The following NAV2 variants were observed in gnomAD, a reference collection of about 807,000 sequenced individuals.
The protein encoded by NAV2 is helicase, APC down-regulated 1.
In NAV2, 54 loss-of-function variants were observed where a neutral mutation model predicts 223.2. That is an observed-to-expected ratio of 0.24 (90% CI 0.19 to 0.30). NAV2 has a LOEUF of 0.30. Ranked by LOEUF, NAV2 falls within the 10% of genes least tolerant of loss-of-function variation. NAV2 has a pLI of 1.00. For missense variants in NAV2, 2,806 were observed against 3,147.5 expected, an observed-to-expected ratio of 0.89 and a Z score of 2.60; for synonymous variants, 1,279 against 1,239.3, an observed-to-expected ratio of 1.03 and a Z score of -0.67.
intron 36 of NAV2, among the ~76,000 whole-genome samples, chr11:20,110,676 T>C (rs2062549251): frequency 6.6e-6 from 1 of 152,222 alleles, no homozygotes; most frequent in Non-Finnish European, 1.5e-5. Context: ...AACCAAATAC[T>C]GAATTTTATA....
intron 3 of NAV2, among the ~76,000 whole-genome samples, chr11:19,854,812 C>T (rs2061332300): frequency 6.6e-6 from 1 of 152,170 alleles, no homozygotes; most frequent in South Asian, 2.1e-4. Context: ...ACTTCTTCCT[C>T]TGTGAAGTGT....
chr11:19,934,380 A>T (rs141520682), intron 7 of NAV2, 103 bp downstream of exon 7: 1 of 1,349,888 alleles, frequency 7.4e-7, no homozygotes, highest in Admixed American at 2.9e-5. Flanking sequence ...TGCTCCAGGA[A>T]TACTTAAGTC....
At chr11:19,466,150 T>G (rs535187823) in intron 1 of NAV2, among the ~76,000 whole-genome samples, 3 of 152,242 alleles carry the variant, frequency 2.0e-5, no homozygotes, top group Non-Finnish European at 2.9e-5. Flanking sequence ...TATAGCGATG[T>G]GCCAGATGGG....
chr11:19,664,893 G>T (rs543405839), intron 1 of NAV2, among the ~76,000 whole-genome samples: 1 of 152,332 alleles, frequency 6.6e-6, no homozygotes, highest in African/African-American at 2.4e-5. Flanking sequence ...TCAGGGCAGG[G>T]TGTGAGAGAG....
chr11:19,433,377 G>C (rs931805489), intron 1 of NAV2, among the ~76,000 whole-genome samples: 1 of 152,138 alleles, frequency 6.6e-6, no homozygotes, highest in East Asian at 1.9e-4. Context: ...GCATTTGATG[G>C]GGCACCAACA....
chr11:19,732,284 C>T (rs2051863600), intron 1 of NAV2, among the ~76,000 whole-genome samples: 1 of 151,372 alleles, frequency 6.6e-6, no homozygotes, highest in Non-Finnish European at 1.5e-5. Flanking sequence ...AGAGTATGGG[C>T]TGGAAATTCA....
chr11:19,705,297 G>C (rs1043563899), intron 1 of NAV2, among the ~76,000 whole-genome samples: 1 of 152,194 alleles, frequency 6.6e-6, no homozygotes, highest in African/African-American at 2.4e-5. Context: ...ATACCAGCTA[G>C]AGCCAACTGT....
At chr11:19,636,556 T>A (rs1321714531) in intron 1 of NAV2, among the ~76,000 whole-genome samples, 3 of 151,424 alleles carry the variant, frequency 2.0e-5, no homozygotes, top group African/African-American at 7.3e-5. Flanking sequence ...AATGGCGTGA[T>A]CTCGGCTCAC....
intron 1 of NAV2, among the ~76,000 whole-genome samples, chr11:19,356,405 G>A (rs1853619418): frequency 6.6e-6 from 1 of 152,164 alleles, no homozygotes; most frequent in Non-Finnish European, 1.5e-5. Context: ...CCTACTGTGT[G>A]CCAGCCAGCC....
chr11:19,385,753 CTTTTTTTTTTTTTTTT>C (rs201669772), intron 1 of NAV2, among the ~76,000 whole-genome samples: 3 of 112,766 alleles, frequency 2.7e-5, no homozygotes, highest in Non-Finnish European at 3.5e-5. Context: ...AATATAGCTC[CTTTTTTTTTTTTTTTT>C]TTTTTTTTTT....
intron 1 of NAV2, among the ~76,000 whole-genome samples, chr11:19,438,386 A>C (rs1851284791): frequency 1.3e-5 from 2 of 152,176 alleles, no homozygotes; most frequent in South Asian, 4.1e-4. Context: ...CCCTATTCTC[A>C]AATCTTGTCT....
chr11:19,987,450 CT>C (rs2050896211), intron 11 of NAV2, among the ~76,000 whole-genome samples: 1 of 152,146 alleles, frequency 6.6e-6, no homozygotes, highest in Admixed American at 6.5e-5. Flanking sequence ...CTGATTAGAC[CT>C]CAGCAAACGA....
intron 3 of NAV2, among the ~76,000 whole-genome samples, chr11:19,845,533 G>C (rs1264046524): frequency 6.6e-6 from 1 of 152,142 alleles, no homozygotes; most frequent in Non-Finnish European, 1.5e-5. Flanking sequence ...TAATAATAGA[G>C]ACAAAAGGAG....
intron 3 of NAV2, among the ~76,000 whole-genome samples, chr11:19,850,564 T>C (rs1794572425): frequency 6.6e-6 from 1 of 152,154 alleles, no homozygotes; most frequent in Non-Finnish European, 1.5e-5. Context: ...CAGTATTAAT[T>C]TGGAAGTTCC....
At chr11:19,818,656 C>T (rs551362671) in intron 1 of NAV2, among the ~76,000 whole-genome samples, 1 of 152,322 alleles carries the variant, frequency 6.6e-6, no homozygotes, top group South Asian at 2.1e-4. Context: ...TTGAGCCAGT[C>T]CATGCCTGCC....
chr11:19,595,492 CAG>C lies in NAV2; in HGVS notation c.76-236989_76-236988del, dbSNP rs557946041. Among the ~76,000 whole-genome samples the C allele has an allele frequency of 2.4e-3, 362 of 152,338 alleles. 2 individuals carry two copies. Among genetic ancestry groups the C allele is most frequent in the African/African-American group, 8.4e-3 (351 of 41,568 alleles). ...TTTTATAGATGAGGAAACTGAGACA[CAG>C]AGGGGTTTTACAACTTGATCAAGGT... On this transcript the variant is annotated intron_variant, in intron 1 of 37. Transcript: ENST00000360655.
At chr11:19,886,161 A>T (rs56130727) in intron 5 of NAV2, among the ~76,000 whole-genome samples, 2 of 135,410 alleles carry the variant, frequency 1.5e-5, no homozygotes, top group Non-Finnish European at 3.2e-5. Context: ...TTTTTTTTTT[A>T]AAGGTGGGGT....
Position 20,004,084 on chromosome 11 carries a change from C to T in NAV2, c.2768+19837C>T, listed in dbSNP as rs2052813020. ...GAACTCCTGAAAATTGGTTCCCAAA[C>T]ACCAGGGGTCTTTAAACTCCAGAGA... On this transcript the variant is annotated intron_variant, in intron 11 of 37. Transcript: ENST00000349880. Among the ~76,000 whole-genome samples, 5 of 152,178 alleles carry T rather than the reference C, an allele frequency of 3.3e-5. No homozygotes were observed. In the South Asian group the frequency reaches 1.0e-3, roughly 32 times the overall value.
chr11:20,036,000 C>T lies in NAV2; in HGVS notation c.2810C>T (p.Thr937Ile). The T allele has an allele frequency of 6.2e-7, 1 of 1,614,184 alleles. No homozygotes were observed. The highest frequency in any genetic ancestry group is 8.5e-7 in the Non-Finnish European group (1 of 1,180,020). ...TCCGTCAGCAGCGGCATCAGCGACACCATAGACAACCTCAGCACTGATGAC... is the reference window on the plus strand; with the variant it reads ...TCCGTCAGCAGCGGCATCAGCGACATCATAGACAACCTCAGCACTGATGAC... ...SSSVSSGISD[T>I]IDNLSTDDIN... The change falls in exon 12 of 38, where the codon ACC becomes ATC. Residue 937 changes from threonine to isoleucine, a missense_variant. Thr to Ile is a moderately conservative substitution (Grantham distance 89). Around this residue, in one of 4 missense-constraint regions of NAV2, gnomAD observed 73 missense variants for 119.7 expected, o/e 0.61. Coordinates refer to ENST00000349880, the MANE Select transcript of NAV2 (RefSeq NM_145117.5).
Sources: allele counts gnomAD v4.1 joint callset (sites outside exome capture counted in the v4.1 genomes callset), GRCh38; gene constraint gnomAD v4.1.1; regional missense constraint gnomAD v4.1.1; transcripts MANE v1.5; gene names NCBI Gene and HGNC (gene_info 2026-07-23, HGNC 2026-07-21).